Variants in ROBO1 observed in about 807,000 individuals in gnomAD.
The protein encoded by ROBO1 is roundabout guidance receptor 1.
In ROBO1, 149 loss-of-function variants were observed where a neutral mutation model predicts 195.9. That is an observed-to-expected ratio of 0.76 (90% CI 0.67 to 0.87). The LOEUF (loss-of-function observed/expected upper bound fraction) is 0.87, where lower values mean the gene tolerates loss of function less well. Ranked by LOEUF, ROBO1 falls within the 40% of genes least tolerant of loss-of-function variation. The pLI, the probability that ROBO1 is intolerant of heterozygous loss-of-function variation, is 0.00. For missense variants in ROBO1, 1,933 were observed against 2,068.3 expected (o/e 0.93, Z 1.27); for synonymous variants, 816 against 733.2 (o/e 1.11, Z -1.82).
intron 3 of ROBO1, among the ~76,000 whole-genome samples, chr3:79,046,816 C>T (rs527572527): frequency 3.3e-5 from 5 of 152,256 alleles, no homozygotes; most frequent in African/African-American, 1.2e-4. Flanking sequence ...CACAGACACA[C>T]CCAGGATTAA....
intron 4 of ROBO1, among the ~76,000 whole-genome samples, chr3:78,918,542 A>G (rs2038762904): frequency 6.6e-6 from 1 of 152,104 alleles, no homozygotes; most frequent in Non-Finnish European, 1.5e-5. Flanking sequence ...GTTTACAGCA[A>G]TCTTTCCTAA....
At chr3:79,614,041 T>G (rs940138978) in intron 1 of ROBO1, among the ~76,000 whole-genome samples, 3 of 151,828 alleles carry the variant, frequency 2.0e-5, no homozygotes, top group Non-Finnish European at 1.5e-5. Context: ...ATAAAAGAAA[T>G]AGAGAAAACT....
chr3:78,952,443 T>C (rs1438806621), intron 3 of ROBO1, among the ~76,000 whole-genome samples: 1 of 151,650 alleles, frequency 6.6e-6, no homozygotes. Flanking sequence ...ACACTTTTAT[T>C]TAAGCTCCAT....
intron 4 of ROBO1, among the ~76,000 whole-genome samples, chr3:78,849,673 A>C (rs1388251432): frequency 2.0e-5 from 3 of 152,136 alleles, no homozygotes; most frequent in Non-Finnish European, 4.4e-5. Context: ...GGTACATAAG[A>C]TGTAAGAGTA....
chr3:79,460,115 A>T (rs2039756814), intron 2 of ROBO1, among the ~76,000 whole-genome samples: 1 of 152,304 alleles, frequency 6.6e-6, no homozygotes, highest in South Asian at 2.1e-4. Flanking sequence ...CTTACCTCAT[A>T]AAACAATATA....
chr3:79,432,624 T>C (rs2038722419), intron 2 of ROBO1, among the ~76,000 whole-genome samples: 1 of 152,136 alleles, frequency 6.6e-6, no homozygotes, highest in African/African-American at 2.4e-5. Flanking sequence ...TAAGCATCTC[T>C]GCCAACTCCA....
At chr3:78,799,477 G>A (rs1332440471) in intron 4 of ROBO1, among the ~76,000 whole-genome samples, 1 of 152,034 alleles carries the variant, frequency 6.6e-6, no homozygotes, top group Non-Finnish European at 1.5e-5. Context: ...GAGTAGCTGG[G>A]ACTACAGGCG....
intron 2 of ROBO1, among the ~76,000 whole-genome samples, chr3:79,518,868 C>T (rs934542781): frequency 5.4e-5 from 8 of 149,408 alleles, no homozygotes; most frequent in African/African-American, 9.9e-5. Context: ...TTAGTAGAGA[C>T]GGGGTTTCAC....
chr3:79,641,028 G>T (rs1034141195), intron 1 of ROBO1, among the ~76,000 whole-genome samples: 1 of 152,054 alleles, frequency 6.6e-6, no homozygotes, highest in Non-Finnish European at 1.5e-5. Flanking sequence ...CTCTGATCTT[G>T]TCTTGGTGGA....
chr3:79,158,411 T>G (rs2080895746), intron 2 of ROBO1, among the ~76,000 whole-genome samples: 3 of 151,620 alleles, frequency 2.0e-5, no homozygotes, highest in Admixed American at 1.3e-4. Flanking sequence ...TTTAATTTTC[T>G]TAATTCTATT....
rs190358608 is a variant in ROBO1 at position 79,237,374 on chromosome 3, G to C, written c.89-111835C>G. On this transcript the variant is annotated intron_variant, in intron 2 of 30. Transcript: ENST00000464233. ...GCGGCGCCTGTAGTCCCAGCTACTC[G>C]GGAGGCTGAGGCAGGAGAATGGCGG... 1.2e-3 allele frequency among the ~76,000 whole-genome samples: 189 copies of C among 152,010 alleles called. 3 individuals carry two copies. Among genetic ancestry groups the C allele is most frequent in the African/African-American group, 3.7e-3 (153 of 41,464 alleles).
intron 2 of ROBO1, among the ~76,000 whole-genome samples, chr3:79,489,250 G>A (rs1939323673): frequency 6.6e-6 from 1 of 152,044 alleles, no homozygotes; most frequent in Non-Finnish European, 1.5e-5. Context: ...TAACATGAAT[G>A]TGAAGGTATG....
At chr3:79,503,730 A>ATGTT (rs1940242426) in intron 2 of ROBO1, among the ~76,000 whole-genome samples, 1 of 152,212 alleles carries the variant, frequency 6.6e-6, no homozygotes, top group Non-Finnish European at 1.5e-5. Flanking sequence ...TTTTCAGTCT[A>ATGTT]CTATATAAAA....
At chr3:79,691,453 A>G (rs1947295224) in intron 1 of ROBO1, among the ~76,000 whole-genome samples, 1 of 151,380 alleles carries the variant, frequency 6.6e-6, no homozygotes, top group South Asian at 2.1e-4. Context: ...AGTTATCTGT[A>G]TCTATATAAT....
chr3:79,059,918 C>T (rs2078883963), intron 3 of ROBO1, among the ~76,000 whole-genome samples: 1 of 151,938 alleles, frequency 6.6e-6, no homozygotes, highest in African/African-American at 2.4e-5. Flanking sequence ...GGGAGATAAC[C>T]ATAAGGTCTG....
At chr3:79,483,615 C>T (rs1300985131) in intron 2 of ROBO1, among the ~76,000 whole-genome samples, 1 of 152,152 alleles carries the variant, frequency 6.6e-6, no homozygotes, top group South Asian at 2.1e-4. Flanking sequence ...ACCTGTAAAT[C>T]ATGTTACTGT....
At chr3:78,980,985 A>G (rs2076978231) in intron 3 of ROBO1, among the ~76,000 whole-genome samples, 1 of 152,206 alleles carries the variant, frequency 6.6e-6, no homozygotes, top group African/African-American at 2.4e-5. Context: ...GATGACAGTC[A>G]TTCGTATAAA....
chr3:79,204,566 G>A (rs189136865), intron 2 of ROBO1, among the ~76,000 whole-genome samples: 9 of 152,246 alleles, frequency 5.9e-5, no homozygotes, highest in East Asian at 1.9e-4. Context: ...ATGCTTTGTA[G>A]TGGGTTGTGG....
intron 2 of ROBO1, among the ~76,000 whole-genome samples, chr3:79,436,786 T>C (rs1042658456): frequency 6.6e-6 from 1 of 152,070 alleles, no homozygotes; most frequent in Non-Finnish European, 1.5e-5. Flanking sequence ...AGCTTCCTCA[T>C]ATCAAAAAAG....
Sources: gnomAD v4.1 joint callset for allele counts (sites outside exome capture counted in the v4.1 genomes callset) on GRCh38, gnomAD v4.1.1 for gene constraint, MANE v1.5 for transcripts, NCBI Gene and HGNC (gene_info 2026-07-23, HGNC 2026-07-21) for gene names.